LMX1A: variants seen among roughly 807,000 people sequenced by gnomAD.
LMX1A encodes LIM homeobox transcription factor 1 alpha, also known as LIM homeobox transcription factor 1-alpha.
Under a neutral mutation model 49.1 loss-of-function variants are expected in LMX1A, and 15 were observed. The ratio of observed to expected loss-of-function variants is 0.31; its 90% CI spans 0.20 to 0.47. LMX1A has a LOEUF of 0.47. Ranked by LOEUF, LMX1A falls within the 20% of genes least tolerant of loss-of-function variation. The pLI is 1.00. For missense variants in LMX1A, 372 were observed against 475.8 expected (o/e 0.78, Z 2.03); for synonymous variants, 167 against 185.7 (o/e 0.90, Z 0.82).
chr1:165,294,821 A>G (rs1407582138), intron 3 of LMX1A, among the ~76,000 whole-genome samples: 1 of 152,118 alleles, frequency 6.6e-6, no homozygotes, highest in Non-Finnish European at 1.5e-5. Flanking sequence ...AAAATTATCC[A>G]GATGTGGTGG....
chr1:165,266,941 T>C (rs1200235635), intron 3 of LMX1A, among the ~76,000 whole-genome samples: 2 of 151,988 alleles, frequency 1.3e-5, no homozygotes, highest in East Asian at 1.9e-4. Context: ...CTCTCTCTCT[T>C]TCTTTCTCTC....
At chr1:165,282,354 T>C (rs1314424333) in intron 3 of LMX1A, among the ~76,000 whole-genome samples, 1 of 152,224 alleles carries the variant, frequency 6.6e-6, no homozygotes, top group African/African-American at 2.4e-5. Context: ...AAGTCTCTGA[T>C]ATAAAATGTA....
At chr1:165,295,633 A>G (rs6662356) in intron 3 of LMX1A, among the ~76,000 whole-genome samples, 132,663 of 151,898 alleles carry the variant, frequency 0.87, 57,991 homozygotes, top group Middle Eastern at 0.92. Flanking sequence ...GTGGATGCTG[A>G]TACATTCCAC....
intron 3 of LMX1A, among the ~76,000 whole-genome samples, chr1:165,298,010 G>T (rs1264619366): frequency 6.6e-6 from 1 of 152,244 alleles, no homozygotes; most frequent in East Asian, 1.9e-4. Context: ...CAGGAAAGCA[G>T]ACATGTGGCA....
chr1:165,231,440 C>G (rs1290352648), intron 4 of LMX1A, among the ~76,000 whole-genome samples: 1 of 152,064 alleles, frequency 6.6e-6, no homozygotes, highest in East Asian at 1.9e-4. Flanking sequence ...GTAGCTGAGA[C>G]TAATTAGCCT....
At chr1:165,220,841 C>A (rs1306673285) in intron 4 of LMX1A, among the ~76,000 whole-genome samples, 1 of 152,102 alleles carries the variant, frequency 6.6e-6, no homozygotes, top group Non-Finnish European at 1.5e-5. Flanking sequence ...AAATAGGAGA[C>A]CTGGATCCTA....
At chr1:165,216,223 CA>C (rs1389886005) in intron 4 of LMX1A, 2 of 152,102 alleles carry the variant, frequency 1.3e-5, no homozygotes, top group Non-Finnish European at 2.9e-5. Context: ...AAGGAAAAAA[CA>C]AGCACTTAAG....
At chr1:165,304,711 T>G (rs549669682) in intron 3 of LMX1A, among the ~76,000 whole-genome samples, 2 of 152,206 alleles carry the variant, frequency 1.3e-5, no homozygotes, top group Admixed American at 1.3e-4. Context: ...CTCGTTGCCC[T>G]TCCCTGCCTC....
chr1:165,342,737 T>C (rs752991759), intron 3 of LMX1A, among the ~76,000 whole-genome samples: 3 of 152,080 alleles, frequency 2.0e-5, no homozygotes, highest in Non-Finnish European at 4.4e-5. Flanking sequence ...ATCGGGAGGC[T>C]GCCTGAAAGC....
intron 3 of LMX1A, among the ~76,000 whole-genome samples, chr1:165,272,372 G>A (rs1653821071): frequency 6.6e-6 from 1 of 152,198 alleles, no homozygotes. Flanking sequence ...GGTTACACTG[G>A]TGGCTGAAGC....
At chr1:165,316,489 G>A (rs1037074478) in intron 3 of LMX1A, among the ~76,000 whole-genome samples, 3 of 152,120 alleles carry the variant, frequency 2.0e-5, no homozygotes, top group African/African-American at 7.2e-5. Flanking sequence ...ACCTCATGAT[G>A]GGCACCCTTG....
intron 6 of LMX1A, among the ~76,000 whole-genome samples, chr1:165,209,398 G>C (rs1440431977): frequency 6.6e-6 from 1 of 152,162 alleles, no homozygotes; most frequent in East Asian, 1.9e-4. Flanking sequence ...CAGCCCCTAG[G>C]TAGCTTCAGG....
rs528108364 is a variant in LMX1A at position 165,326,008 on chromosome 1, C to T, written c.263+27068G>A. ...TATTGTGTGAGTAATCCCAGGGGGG[C>T]TCCCCGGCACTGCCCTGTTGGAGGA... On this transcript the variant is annotated intron_variant, in intron 3 of 8. Coordinates refer to ENST00000342310, the MANE Select transcript of LMX1A (RefSeq NM_177398.4). Among the ~76,000 whole-genome samples the T allele has an allele frequency of 4.9e-4, 21 of 42,726 alleles. No individual in the cohort carries two copies. The South Asian group carries it at 0.014, about 28-fold the overall frequency. 28.0% of individuals were successfully genotyped at this position (42,726 alleles called of 152,430 possible).
intron 3 of LMX1A, among the ~76,000 whole-genome samples, chr1:165,264,435 CAT>C (rs1653551863): frequency 1.3e-5 from 2 of 152,128 alleles, no homozygotes; most frequent in South Asian, 4.1e-4. Context: ...CACACACACA[CAT>C]ACATGCTGCC....
At chr1:165,253,754 G>T (rs1434452560) in intron 3 of LMX1A, among the ~76,000 whole-genome samples, 1 of 152,186 alleles carries the variant, frequency 6.6e-6, no homozygotes, top group South Asian at 2.1e-4. Context: ...GAAATTGGGG[G>T]ATAGTCCAAG....
Position 165,249,295 on chromosome 1 carries a change from C to A in LMX1A, c.496+113G>T, listed in dbSNP as rs1195720416. ...CCTGAAATACACAGAACTGCCTTGC[C>A]ATGGAGCTAGGCTGCCCTGGAGGCT... On this transcript the variant is annotated intron_variant, in intron 4 of 8. Transcript: ENST00000342310. The A allele has an allele frequency of 4.3e-6, 3 of 690,932 alleles. No individual in the cohort carries two copies. In the South Asian group the frequency reaches 5.3e-5, roughly 12 times the overall value. 42.8% of individuals were successfully genotyped at this position (690,932 alleles called of 1,614,324 possible).
At chr1:165,248,542 A>G (rs759899179) in intron 4 of LMX1A, among the ~76,000 whole-genome samples, 7 of 152,152 alleles carry the variant, frequency 4.6e-5, no homozygotes, top group Admixed American at 2.0e-4. Flanking sequence ...ACCTTGTGAA[A>G]CCTGCCCTAT....
chr1:165,268,411 G>A (rs1390267505), intron 3 of LMX1A, among the ~76,000 whole-genome samples: 1 of 152,166 alleles, frequency 6.6e-6, no homozygotes, highest in Non-Finnish European at 1.5e-5. Context: ...GCTCAGGAGT[G>A]AGCACACTGA....
intron 3 of LMX1A, among the ~76,000 whole-genome samples, chr1:165,346,819 C>T (rs1656260143): frequency 6.6e-6 from 1 of 152,134 alleles, no homozygotes; most frequent in South Asian, 2.1e-4. Context: ...TTTACACCTC[C>T]TTTTTAGCCG....
Sources: gnomAD v4.1 joint callset for allele counts (sites outside exome capture counted in the v4.1 genomes callset) on GRCh38, gnomAD v4.1.1 for gene constraint, MANE v1.5 for transcripts, NCBI Gene and HGNC (gene_info 2026-07-23, HGNC 2026-07-21) for gene names.